JAM2: variants seen among roughly 807,000 people sequenced by gnomAD.
The protein encoded by JAM2 is junctional adhesion molecule 2.
Under a neutral mutation model 42.0 loss-of-function variants are expected in JAM2, and 17 were observed. The ratio of observed to expected loss-of-function variants is 0.40; its 90% CI spans 0.28 to 0.61. The LOEUF (loss-of-function observed/expected upper bound fraction) is 0.61, where lower values mean the gene tolerates loss of function less well. Among genes scored for constraint, JAM2 ranks in the 20% least tolerant of loss-of-function variants. The probability of loss-of-function intolerance (pLI) is 0.37; values close to 1 mark genes in which losing one functional copy is unlikely to be tolerated. For missense variants in JAM2, 319 were observed against 358.3 expected, an observed-to-expected ratio of 0.89 and a Z score of 0.89; for synonymous variants, 118 against 128.6, an observed-to-expected ratio of 0.92 and a Z score of 0.56.
At chr21:25,707,492 C>T (rs2034296479) in intron 7 of JAM2, among the ~76,000 whole-genome samples, 1 of 151,756 alleles carries the variant, frequency 6.6e-6, no homozygotes, top group Admixed American at 6.6e-5. Flanking sequence ...AAAAAAACAA[C>T]AAAAAAAGAG....
intron 3 of JAM2, among the ~76,000 whole-genome samples, chr21:25,691,139 CAT>C (rs1343216148): frequency 2.0e-5 from 3 of 152,110 alleles, no homozygotes; most frequent in African/African-American, 7.2e-5. Flanking sequence ...TTAAAATAAA[CAT>C]GTTATGATTT....
intron 1 of JAM2, among the ~76,000 whole-genome samples, chr21:25,643,251 C>A (rs2032498621): frequency 6.6e-6 from 1 of 152,202 alleles, no homozygotes; most frequent in Non-Finnish European, 1.5e-5. Flanking sequence ...TCTGAGGCAT[C>A]ATTTAAGCTG....
chr21:25,671,715 G>T (rs889850757), intron 1 of JAM2, among the ~76,000 whole-genome samples: 2 of 152,184 alleles, frequency 1.3e-5, no homozygotes, highest in East Asian at 1.9e-4. Context: ...CACCATGTTG[G>T]CCAGGCTGGT....
intron 1 of JAM2, among the ~76,000 whole-genome samples, chr21:25,680,221 G>T (rs2033597100): frequency 1.3e-5 from 2 of 152,162 alleles, no homozygotes; most frequent in Non-Finnish European, 2.9e-5. Context: ...CCTAAATTGT[G>T]AATGTTTTCC....
Position 25,714,665 on chromosome 21 carries a change from T to A in JAM2, c.890T>A (p.Ile297Lys). 6.6e-7 allele frequency: 1 copy of A among 1,511,976 alleles called. No homozygotes were observed. Among genetic ancestry groups the A allele is most frequent in the Non-Finnish European group, 8.9e-7 (1 of 1,124,770 alleles). 93.7% of individuals were successfully genotyped at this position (1,511,976 alleles called of 1,614,324 possible). The stretch of plus-strand genomic sequence containing the variant: ...GATTTCAAGCACACAAAATCCTTTA[T>A]AATTTAAAGACTCCACTTTAGAGAT... ...ENDFKHTKSF[I>K]I Residue 297 changes from isoleucine (I) to lysine (K), a missense_variant, in exon 10 of 10, where the codon ATA becomes AAA. Ile to Lys is a moderately radical substitution (Grantham distance 102). Coordinates refer to ENST00000480456, the MANE Select transcript of JAM2 (RefSeq NM_021219.4).
In JAM2 at chr21:25,716,476, C is replaced by G. The variant is rs182351913; in HGVS notation, c.*1804C>G. The G allele has an allele frequency of 6.6e-6, 1 of 152,184 alleles. No individual in the cohort carries two copies. Among genetic ancestry groups the G allele is most frequent in the Non-Finnish European group, 1.5e-5 (1 of 68,044 alleles). The allele number at this position is 152,184 out of a possible 1,614,324, so 9.4% of individuals were successfully genotyped here. On this transcript the variant is annotated 3_prime_UTR_variant, in exon 10 of 10. Coordinates refer to ENST00000480456, the MANE Select transcript of JAM2 (RefSeq NM_021219.4). The stretch of plus-strand genomic sequence containing the variant: ...TGACATGCTATGTCTCTCACCAGAT[C>G]CCTTCCTGGAGGTCGGGCTTCTGTA...
chr21:25,693,985 G>T, intron 4 of JAM2, 77 bp downstream of exon 4: 2 of 1,388,566 alleles, frequency 1.4e-6, no homozygotes, highest in South Asian at 1.3e-5. Context: ...GCAAGCACTG[G>T]TCCATAAACA....
intron 1 of JAM2, among the ~76,000 whole-genome samples, chr21:25,681,141 T>C (rs2033621931): frequency 6.6e-6 from 1 of 152,222 alleles, no homozygotes; most frequent in African/African-American, 2.4e-5. Context: ...TTCTTTAGAT[T>C]TTCATGATAG....
chr21:25,663,856 G>C (rs1259780914), intron 1 of JAM2, among the ~76,000 whole-genome samples: 1 of 152,170 alleles, frequency 6.6e-6, no homozygotes, highest in Non-Finnish European at 1.5e-5. Context: ...ATGAAGATAA[G>C]GGGTCTCTCC....
chr21:25,675,243 C>G (rs1483033790), intron 1 of JAM2, among the ~76,000 whole-genome samples: 1 of 152,088 alleles, frequency 6.6e-6, no homozygotes, highest in East Asian at 1.9e-4. Flanking sequence ...CACCTGTAAT[C>G]CTAGCACTTT....
chr21:25,658,256 GT>G (rs2032991725), intron 1 of JAM2, among the ~76,000 whole-genome samples: 1 of 152,054 alleles, frequency 6.6e-6, no homozygotes, highest in African/African-American at 2.4e-5. Flanking sequence ...AATCAAAACA[GT>G]AACTCCAAGG....
chr21:25,662,525 C>T (rs1286657201), intron 1 of JAM2, among the ~76,000 whole-genome samples: 1 of 152,056 alleles, frequency 6.6e-6, no homozygotes, highest in African/African-American at 2.4e-5. Flanking sequence ...GTGATCATAG[C>T]TCACTGTAGC....
intron 7 of JAM2, among the ~76,000 whole-genome samples, chr21:25,709,196 G>A (rs1003164770): frequency 1.3e-5 from 2 of 149,606 alleles, no homozygotes; most frequent in African/African-American, 4.9e-5. Flanking sequence ...TTGGAAATTT[G>A]TTTGCTCTCT....
chr21:25,656,475 T>G (rs1271751923), intron 1 of JAM2, among the ~76,000 whole-genome samples: 1 of 152,176 alleles, frequency 6.6e-6, no homozygotes, highest in Non-Finnish European at 1.5e-5. Context: ...CCTTTAGCCT[T>G]GAAGACCCCA....
chr21:25,715,270 C>G lies in JAM2; in HGVS notation c.*598C>G, dbSNP rs1360087276. 1.3e-5 allele frequency: 2 copies of G among 152,168 alleles called. No individual in the cohort carries two copies. The highest frequency in any genetic ancestry group is 2.9e-5 in the Non-Finnish European group (2 of 68,046). 9.4% of individuals were successfully genotyped at this position (152,168 alleles called of 1,614,324 possible). ...CTAAAAGCAACATCAAAAGAAATGCCTAATGGCTGGAGCCCACAGGTGTGC... is the reference window on the plus strand; with the variant it reads ...CTAAAAGCAACATCAAAAGAAATGCGTAATGGCTGGAGCCCACAGGTGTGC... On this transcript the variant is annotated 3_prime_UTR_variant, in exon 10 of 10. Coordinates refer to ENST00000480456, the MANE Select transcript of JAM2 (RefSeq NM_021219.4).
chr21:25,699,003 G>A (rs2034102333), intron 5 of JAM2, 124 bp downstream of exon 5: 2 of 812,988 alleles, frequency 2.5e-6, no homozygotes, highest in South Asian at 1.7e-5. Context: ...AGAGGCAGGG[G>A]CACCAGGAAA....
At chr21:25,693,697 G>A (rs1434408943) in intron 3 of JAM2, 59 bp from the exon 4 acceptor site, 2 of 1,344,830 alleles carry the variant, frequency 1.5e-6, no homozygotes, top group African/African-American at 2.9e-5. Flanking sequence ...TTAGAGGAAG[G>A]TATTACACAG....
chr21:25,701,461 C>A (rs1447546290), intron 5 of JAM2, among the ~76,000 whole-genome samples: 1 of 137,730 alleles, frequency 7.3e-6, no homozygotes, highest in African/African-American at 2.6e-5. Flanking sequence ...TCTTTCTTTT[C>A]TCCTCTTCTT....
chr21:25,667,536 C>T (rs2033254384), intron 1 of JAM2, among the ~76,000 whole-genome samples: 1 of 152,206 alleles, frequency 6.6e-6, no homozygotes. Context: ...TAATCTTGTA[C>T]TGTGCCTAAC....
Sources: allele counts gnomAD v4.1 joint callset (sites outside exome capture counted in the v4.1 genomes callset), GRCh38; gene constraint gnomAD v4.1.1; transcripts MANE v1.5; gene names NCBI Gene and HGNC (gene_info 2026-07-23, HGNC 2026-07-21).